RNF2: variants seen among roughly 807,000 people sequenced by gnomAD.
The protein encoded by RNF2 is E3 ubiquitin-protein ligase RING2.
A neutral mutation model predicts 37.2 loss-of-function variants in RNF2; 6 were observed. The ratio of observed to expected loss-of-function variants is 0.16; its 90% CI spans 0.09 to 0.32. The LOEUF is 0.32. Ranked by LOEUF, RNF2 falls within the 10% of genes least tolerant of loss-of-function variation. RNF2 has a pLI of 1.00. For synonymous variants in RNF2, 133 were observed against 132.7 expected, an observed-to-expected ratio of 1.00 and a Z score of -0.02; for missense variants, 251 against 404.0, an observed-to-expected ratio of 0.62 and a Z score of 3.25.
At chr1:185,065,923 T>G (rs1180274435) in intron 1 of RNF2, among the ~76,000 whole-genome samples, 1 of 151,038 alleles carries the variant, frequency 6.6e-6, no homozygotes. Flanking sequence ...TGAATAGAAG[T>G]GATAAAAATA....
chr1:185,049,878 A>G (rs543083408), intron 1 of RNF2, among the ~76,000 whole-genome samples: 15 of 152,342 alleles, frequency 9.8e-5, no homozygotes, highest in African/African-American at 3.6e-4. Flanking sequence ...TGCCAGGGTC[A>G]GGGGCTGCAT....
chr1:185,076,189 A>G (rs962564761), intron 1 of RNF2, among the ~76,000 whole-genome samples: 4 of 149,732 alleles, frequency 2.7e-5, no homozygotes, highest in Non-Finnish European at 4.4e-5. Context: ...TGTGAGGCGA[A>G]ATATGAACCT....
chr1:185,079,188 A>G (rs1319715056), intron 1 of RNF2, among the ~76,000 whole-genome samples: 1 of 151,366 alleles, frequency 6.6e-6, no homozygotes, highest in African/African-American at 2.4e-5. Context: ...AAATTTGAGC[A>G]CCTACTTTGT....
At chr1:185,054,926 C>G (rs886863242) in intron 1 of RNF2, among the ~76,000 whole-genome samples, 6 of 152,134 alleles carry the variant, frequency 3.9e-5, no homozygotes, top group African/African-American at 1.4e-4. Context: ...TCTGGAACTC[C>G]TGAGCACAAG....
chr1:185,085,145 C>CTTTTTTTTTTT lies in RNF2; in HGVS notation c.-2-2396_-2-2386dup, dbSNP rs71555455. ...CCATATTTGACCCTTCTTTCTTTTTCTTTTTTTTTTTTTTTTTTTTTGAGA... is the reference window on the plus strand; with the variant it reads ...CCATATTTGACCCTTCTTTCTTTTTCTTTTTTTTTTTTTTTTTTTTTTTTTTTTTTTTGAGA... On this transcript the variant is annotated intron_variant, in intron 1 of 6. Transcript: ENST00000367510. 5.2e-4 allele frequency among the ~76,000 whole-genome samples: 54 copies of CTTTTTTTTTTT among 103,206 alleles called. 1 individual carries two copies. The highest frequency in any genetic ancestry group is 9.2e-4 in the African/African-American group (23 of 25,104). 67.7% of individuals were successfully genotyped at this position (103,206 alleles called of 152,430 possible).
chr1:185,080,244 T>C (rs181451069), intron 1 of RNF2, among the ~76,000 whole-genome samples: 16 of 152,348 alleles, frequency 1.1e-4, no homozygotes, highest in African/African-American at 3.8e-4. Flanking sequence ...TCTCAGATAT[T>C]GTTCATTGAA....
chr1:185,057,107 A>G (rs1382268573), intron 1 of RNF2, among the ~76,000 whole-genome samples: 1 of 152,150 alleles, frequency 6.6e-6, no homozygotes, highest in Admixed American at 6.5e-5. Context: ...TAGGAGTTCA[A>G]GACCAGCCTG....
intron 1 of RNF2, among the ~76,000 whole-genome samples, chr1:185,077,563 T>TA (rs903816323): frequency 2.4e-4 from 36 of 152,230 alleles, no homozygotes; most frequent in Middle Eastern, 3.4e-3. Flanking sequence ...TTCTCTGACT[T>TA]AATTTTTTAA....
At chr1:185,062,334 A>T (rs1415509350) in intron 1 of RNF2, among the ~76,000 whole-genome samples, 1 of 152,214 alleles carries the variant, frequency 6.6e-6, no homozygotes, top group Non-Finnish European at 1.5e-5. Flanking sequence ...TACAGTTTTC[A>T]GATAGACACA....
intron 1 of RNF2, chr1:185,046,006 G>A (rs1415553946): frequency 6.6e-6 from 1 of 152,168 alleles, no homozygotes; most frequent in Non-Finnish European, 1.5e-5. Flanking sequence ...CGCCTCCGGG[G>A]GCGGGGGCCC....
chr1:185,098,414 G>C, intron 5 of RNF2, 70 bp downstream of exon 5: 1 of 1,524,384 alleles, frequency 6.6e-7, no homozygotes, highest in Non-Finnish European at 8.9e-7. Flanking sequence ...AGGCAGTCTT[G>C]TATAAGAAGT....
intron 1 of RNF2, among the ~76,000 whole-genome samples, chr1:185,063,006 A>G (rs1196810115): frequency 6.6e-6 from 1 of 152,210 alleles, no homozygotes; most frequent in Non-Finnish European, 1.5e-5. Context: ...AGTATTTGTC[A>G]GAATAAAAAA....
intron 1 of RNF2, among the ~76,000 whole-genome samples, chr1:185,080,754 T>C (rs1192513364): frequency 3.9e-5 from 6 of 152,368 alleles, no homozygotes; most frequent in South Asian, 4.1e-4. Flanking sequence ...TAAGTCTTAT[T>C]TGCCACAGGA....
At chr1:185,055,782 A>G (rs1650418464) in intron 1 of RNF2, among the ~76,000 whole-genome samples, 1 of 152,208 alleles carries the variant, frequency 6.6e-6, no homozygotes, top group African/African-American at 2.4e-5. Flanking sequence ...TTAAAAATAT[A>G]CTTGGTAAGA....
chr1:185,087,702 A>T, intron 2 of RNF2, 62 bp downstream of exon 2: 1 of 1,203,604 alleles, frequency 8.3e-7, no homozygotes, highest in Non-Finnish European at 1.2e-6. Flanking sequence ...ACATTTTTAG[A>T]ACATGAAAAC....
intron 1 of RNF2, among the ~76,000 whole-genome samples, chr1:185,082,872 CAT>C (rs1337638996): frequency 2.0e-5 from 3 of 152,112 alleles, no homozygotes; most frequent in East Asian, 1.9e-4. Flanking sequence ...AGCAAAAAAA[CAT>C]AAAGTGAGAA....
chr1:185,079,901 G>A (rs1438588287), intron 1 of RNF2, among the ~76,000 whole-genome samples: 10 of 151,930 alleles, frequency 6.6e-5, no homozygotes, highest in African/African-American at 2.4e-4. Context: ...CTGCACTCTA[G>A]CCTGGGCAAC....
chr1:185,076,069 G>A (rs1316356877), intron 1 of RNF2, among the ~76,000 whole-genome samples: 2 of 151,414 alleles, frequency 1.3e-5, no homozygotes, highest in African/African-American at 4.9e-5. Context: ...TATCGTTATT[G>A]GCCTTTGTTA....
At chr1:185,049,740 T>C (rs960116783) in intron 1 of RNF2, among the ~76,000 whole-genome samples, 2 of 152,008 alleles carry the variant, frequency 1.3e-5, no homozygotes, top group Non-Finnish European at 2.9e-5. Flanking sequence ...GAAGAGGTTC[T>C]ATGGACCCGG....
Sources: allele counts gnomAD v4.1 joint callset (sites outside exome capture counted in the v4.1 genomes callset), GRCh38; gene constraint gnomAD v4.1.1; transcripts MANE v1.5; gene names NCBI Gene and HGNC (gene_info 2026-07-23, HGNC 2026-07-21).